The following GPATCH1 variants were observed in gnomAD, a reference collection of about 807,000 sequenced individuals.
GPATCH1 encodes the protein G-patch domain containing 1, also known as G patch domain-containing protein 1.
Under a neutral mutation model 114.9 loss-of-function variants are expected in GPATCH1, and 73 were observed. The ratio of observed to expected loss-of-function variants is 0.64; its 90% CI spans 0.53 to 0.77. GPATCH1 has a LOEUF of 0.77. GPATCH1 is among the 30% of genes least tolerant of loss of function. The pLI is 0.00. For synonymous variants in GPATCH1, 391 were observed against 428.4 expected, an observed-to-expected ratio of 0.91 and a Z score of 1.08; for missense variants, 1,058 against 1,144.3, an observed-to-expected ratio of 0.92 and a Z score of 1.09.
intron 19 of GPATCH1, among the ~76,000 whole-genome samples, chr19:33,127,133 C>T (rs1302139760): frequency 1.0e-5 from 1 of 99,410 alleles, no homozygotes; most frequent in Admixed American, 1.1e-4. Context: ...AGACCCTCTC[C>T]CTAAAAGAAA....
At chr19:33,117,724 G>A (rs1470644997) in intron 15 of GPATCH1, 101 bp from the exon 16 acceptor site, 11 of 798,810 alleles carry the variant, frequency 1.4e-5, no homozygotes, top group Non-Finnish European at 2.2e-5. Flanking sequence ...ATGTACATGA[G>A]CATAAACATA....
rs757673988 is a variant in GPATCH1 at position 33,093,486 on chromosome 19, C to T, written c.422C>T (p.Ala141Val). ...GCTGCTACTGCCCCTATTCCTGGAG[C>T]CACCCTCCTTGATGACCTCATAACG... is the stretch of plus-strand genomic sequence containing the variant. ...LAAATAPIPG[A>V]TLLDDLITPA... The change falls in exon 4 of 20, where the codon GCC becomes GTC. Residue 141 changes from alanine (A) to valine (V), a missense_variant. This residue lies in a region of GPATCH1 where 893 missense variants were observed against 977.4 expected (regional missense o/e 0.91). Coordinates refer to ENST00000170564, the MANE Select transcript of GPATCH1 (RefSeq NM_018025.3). 3.7e-6 allele frequency: 6 copies of T among 1,613,686 alleles called. No homozygotes were observed. Among genetic ancestry groups the T allele is most frequent in the Non-Finnish European group, 5.1e-6 (6 of 1,179,842 alleles).
chr19:33,119,279 A>T (rs1380201424), intron 17 of GPATCH1, among the ~76,000 whole-genome samples, 162 bp downstream of exon 17: 3 of 152,120 alleles, frequency 2.0e-5, no homozygotes, highest in African/African-American at 7.2e-5. Flanking sequence ...GCCTGAAATG[A>T]TAGTTGTTTC....
chr19:33,093,918 G>A (rs1164908781), intron 4 of GPATCH1, among the ~76,000 whole-genome samples: 1 of 152,126 alleles, frequency 6.6e-6, no homozygotes, highest in African/African-American at 2.4e-5. Context: ...AGCAAAGACT[G>A]TCTAGAGTCC....
rs781619300 is a variant in GPATCH1, at chr19:33,109,935, A to G, written c.1504A>G (p.Asn502Asp). The G allele has an allele frequency of 4.2e-5, 68 of 1,614,082 alleles. No homozygotes were observed. Among genetic ancestry groups the G allele is most frequent in the Non-Finnish European group, 5.1e-5 (60 of 1,180,024 alleles). ...GGGTATLKAS[N>D]FKPFAKDPEK... ...TGGGACGGCCACCTTAAAAGCCAGC[A>G]ACTTCAAGCCTTTCGCCAAAGATCC... Residue 502 changes from asparagine to aspartate, a missense_variant, in exon 11 of 20, where the codon AAC becomes GAC. Physicochemically the swap from Asn to Asp is conservative, Grantham distance 23. This residue lies in a region of GPATCH1 where 893 missense variants were observed against 977.4 expected (regional missense o/e 0.91). Transcript: ENST00000170564.
intron 17 of GPATCH1, among the ~76,000 whole-genome samples, chr19:33,123,694 G>C (rs966557601): frequency 6.6e-6 from 1 of 151,826 alleles, no homozygotes; most frequent in Non-Finnish European, 1.5e-5. Context: ...GCTGTAATGA[G>C]CTGTGATTGC....
rs143677471 is a variant in GPATCH1, at chr19:33,096,346, C to T, written c.752C>T (p.Ser251Leu). 743 of 1,614,036 alleles carry T rather than the reference C, an allele frequency of 4.6e-4. 4 individuals are homozygous for T. The African/African-American group carries it at 8.8e-3, about 19-fold the overall frequency. ...LDPHQALFGT[S>L]GEHFNLFSGG... ...CCCCACCAGGCACTGTTTGGAACTT[C>T]GGGAGAACATTTTAATCTTTTCAGT... Residue 251 changes from serine (S) to leucine (L), a missense_variant, in exon 7 of 20, where the codon TCG becomes TTG. Around this residue, in one of 3 missense-constraint regions of GPATCH1, gnomAD observed 893 missense variants for 977.4 expected, o/e 0.91. Transcript: ENST00000170564.
chr19:33,119,929 T>TTA lies in GPATCH1; in HGVS notation c.2521+820_2521+821dup, dbSNP rs967571481. Among the ~76,000 whole-genome samples, 93 of 145,408 alleles carry TTA rather than the reference T, an allele frequency of 6.4e-4. 1 individual carries two copies. Among genetic ancestry groups the TTA allele is most frequent in the Non-Finnish European group, 1.1e-4 (7 of 66,198 alleles). On this transcript the variant is annotated intron_variant, in intron 17 of 19. Coordinates refer to ENST00000170564, the MANE Select transcript of GPATCH1 (RefSeq NM_018025.3). ...AAATTATATATTTTATATATAAAAA[T>TTA]TATATATATTTTTATATTTTATAAA... is the stretch of plus-strand genomic sequence containing the variant.
chr19:33,087,922 A>C (rs1371652312), intron 1 of GPATCH1, among the ~76,000 whole-genome samples: 1 of 151,980 alleles, frequency 6.6e-6, no homozygotes, highest in Non-Finnish European at 1.5e-5. Flanking sequence ...TAGTGGGAAA[A>C]GAGGGCAATC....
intron 1 of GPATCH1, among the ~76,000 whole-genome samples, chr19:33,083,312 C>T (rs1440350945): frequency 6.7e-6 from 1 of 150,108 alleles, no homozygotes; most frequent in Non-Finnish European, 1.5e-5. Flanking sequence ...GAACTCCTGG[C>T]CTCAAGTAGT....
intron 9 of GPATCH1, among the ~76,000 whole-genome samples, chr19:33,106,144 C>T (rs185433406): frequency 1.5e-4 from 23 of 152,196 alleles, no homozygotes; most frequent in African/African-American, 4.8e-4. Context: ...CCACTGTTCC[C>T]GGCCCCAACT....
intron 12 of GPATCH1, 43 bp downstream of exon 12, chr19:33,111,945 A>G: frequency 6.8e-7 from 1 of 1,466,854 alleles, no homozygotes; most frequent in Non-Finnish European, 9.5e-7. Context: ...CTTTAATATT[A>G]AAGCACTGCC....
chr19:33,129,090 T>TA (rs1005386771), intron 19 of GPATCH1, among the ~76,000 whole-genome samples: 7 of 151,696 alleles, frequency 4.6e-5, no homozygotes, highest in African/African-American at 9.7e-5. Context: ...CCATCTCTAC[T>TA]AAAAAAACTA....
At position 33,098,584 on chromosome 19, in the gene GPATCH1, C is replaced by T. The variant is rs142044662; in HGVS notation, c.1000+682C>T. 9.2e-5 allele frequency among the ~76,000 whole-genome samples: 14 copies of T among 152,258 alleles called. No homozygotes were observed. The East Asian group carries it at 2.1e-3, about 23-fold the overall frequency. On this transcript the variant is annotated intron_variant, in intron 8 of 19. Coordinates refer to ENST00000170564, the MANE Select transcript of GPATCH1 (RefSeq NM_018025.3). ...GGGTTTGGATGCCAGCTCTCCATTGCCCAGCTTTGTGACCTTAGGCAAGGC... is the reference window on the plus strand; with the variant it reads ...GGGTTTGGATGCCAGCTCTCCATTGTCCAGCTTTGTGACCTTAGGCAAGGC...
chr19:33,096,792 C>A (rs62125279), intron 7 of GPATCH1, among the ~76,000 whole-genome samples: 2 of 151,680 alleles, frequency 1.3e-5, no homozygotes, highest in Admixed American at 6.6e-5. Flanking sequence ...CCATGCCCCA[C>A]TAATTTTTGT....
chr19:33,108,458 G>A (rs1396194849), intron 10 of GPATCH1, among the ~76,000 whole-genome samples: 1 of 151,516 alleles, frequency 6.6e-6, no homozygotes, highest in African/African-American at 2.4e-5. Flanking sequence ...GGGCCTTTGT[G>A]TTTGCTGTAC....
At chr19:33,100,586 CAAAAAA>C (rs10609716) in intron 8 of GPATCH1, among the ~76,000 whole-genome samples, 3 of 62,196 alleles carry the variant, frequency 4.8e-5, no homozygotes, top group African/African-American at 1.2e-4. Context: ...GACTCCATCT[CAAAAAA>C]AAAAAAAAAA....
chr19:33,106,909 A>G lies in GPATCH1; in HGVS notation c.1285+10A>G. The G allele has an allele frequency of 6.3e-7, 1 of 1,593,512 alleles. No homozygotes were observed. The highest frequency in any genetic ancestry group is 8.6e-7 in the Non-Finnish European group (1 of 1,163,198). ...GAGACGCCTATTCAAGGTATGTGCC[A>G]TGGAGAAGACGGAAATCATTTCACA... On this transcript the variant is annotated intron_variant, in intron 10 of 19. Transcript: ENST00000170564.
intron 19 of GPATCH1, 131 bp downstream of exon 19, chr19:33,126,864 C>G: frequency 1.3e-6 from 1 of 756,314 alleles, no homozygotes; most frequent in Non-Finnish European, 2.1e-6. Flanking sequence ...CGCCTATAAT[C>G]CCAGCACTTT....
Sources: gnomAD v4.1 joint callset for allele counts (sites outside exome capture counted in the v4.1 genomes callset) on GRCh38, gnomAD v4.1.1 for gene constraint, gnomAD v4.1.1 regional missense constraint, MANE v1.5 for transcripts, NCBI Gene and HGNC (gene_info 2026-07-23, HGNC 2026-07-21) for gene names.